TMEM217B: variants seen among roughly 807,000 people sequenced by gnomAD.
The protein encoded by TMEM217B is transmembrane protein 217B, also known as putative transmembrane protein 217B.
chr6:37,247,860 C>T, the TMEM217B span, among the ~76,000 whole-genome samples: 1 of 152,296 alleles, frequency 6.6e-6, no homozygotes, highest in African/African-American at 2.4e-5. Flanking sequence ...AACTCTTAGA[C>T]ATTTCCAATA....
the TMEM217B span, among the ~76,000 whole-genome samples, chr6:37,243,487 C>T: frequency 5.3e-5 from 8 of 152,188 alleles, no homozygotes; most frequent in African/African-American, 1.7e-4. Flanking sequence ...TCACTGAGAC[C>T]ATGACACTGC....
At chr6:37,227,170 G>T in the TMEM217B span, among the ~76,000 whole-genome samples, 9 of 152,134 alleles carry the variant, frequency 5.9e-5, no homozygotes, top group African/African-American at 2.2e-4. Context: ...AATCCACTGA[G>T]CCCAGAGACT....
chr6:37,226,055 T>A, the TMEM217B span, among the ~76,000 whole-genome samples: 1 of 152,120 alleles, frequency 6.6e-6, no homozygotes, highest in Non-Finnish European at 1.5e-5. Flanking sequence ...TACCTAAACT[T>A]CTTTATTGAC....
chr6:37,248,243 G>T, the TMEM217B span, among the ~76,000 whole-genome samples: 3 of 152,052 alleles, frequency 2.0e-5, no homozygotes, highest in Non-Finnish European at 4.4e-5. Flanking sequence ...TTATACACTT[G>T]TTGAGGACAG....
chr6:37,220,760 A>C, the TMEM217B span, among the ~76,000 whole-genome samples: 1 of 152,192 alleles, frequency 6.6e-6, no homozygotes, highest in Non-Finnish European at 1.5e-5. Flanking sequence ...ACAAGTACAT[A>C]GTGAAAAATA....
chr6:37,241,762 T>G, the TMEM217B span, among the ~76,000 whole-genome samples: 2 of 152,190 alleles, frequency 1.3e-5, no homozygotes, highest in African/African-American at 2.4e-5. Context: ...AAGCTTGAAT[T>G]CTTAGAGACA....
the TMEM217B span, chr6:37,215,411 C>A: frequency 8.6e-7 from 1 of 1,161,414 alleles, no homozygotes; most frequent in Non-Finnish European, 1.1e-6. Flanking sequence ...CCCATCTCTA[C>A]TAAAGATACA....
the TMEM217B span, among the ~76,000 whole-genome samples, chr6:37,229,335 G>GCTTTT: frequency 9.4e-5 from 7 of 74,370 alleles, no homozygotes; most frequent in African/African-American, 3.2e-4. Context: ...GCAACTTTCA[G>GCTTTT]TTTTTTTTTT....
At chr6:37,229,133 T>C in the TMEM217B span, among the ~76,000 whole-genome samples, 1 of 152,260 alleles carries the variant, frequency 6.6e-6, no homozygotes, top group East Asian at 1.9e-4. Flanking sequence ...ATTTATTTCC[T>C]CGTTGATAGT....
chr6:37,237,143 G>A, the TMEM217B span, among the ~76,000 whole-genome samples: 5 of 152,198 alleles, frequency 3.3e-5, no homozygotes, highest in South Asian at 2.1e-4. Flanking sequence ...TATTCAAGGG[G>A]AGAGGAATTA....
the TMEM217B span, among the ~76,000 whole-genome samples, chr6:37,227,055 C>T: frequency 1.3e-5 from 2 of 152,188 alleles, no homozygotes; most frequent in Non-Finnish European, 2.9e-5. Flanking sequence ...TATATCTGCA[C>T]AGCAGCAAAA....
chr6:37,230,933 G>A, the TMEM217B span, among the ~76,000 whole-genome samples: 2 of 152,018 alleles, frequency 1.3e-5, no homozygotes, highest in African/African-American at 4.8e-5. Flanking sequence ...ACAACACAAA[G>A]GTTTTTTGTT....
At chr6:37,250,289 G>A in the TMEM217B span, among the ~76,000 whole-genome samples, 1 of 152,232 alleles carries the variant, frequency 6.6e-6, no homozygotes, top group East Asian at 1.9e-4. Flanking sequence ...CATAGGAAGG[G>A]ACCCCTAAGA....
At chr6:37,220,030 C>T in the TMEM217B span, among the ~76,000 whole-genome samples, 55,105 of 151,848 alleles carry the variant, frequency 0.36, 10,218 homozygotes, top group African/African-American at 0.4. Context: ...GAAAATGTAA[C>T]AATGAGCTAA....
the TMEM217B span, among the ~76,000 whole-genome samples, chr6:37,239,776 A>G: frequency 1.3e-5 from 2 of 152,014 alleles, no homozygotes; most frequent in Admixed American, 1.3e-4. Context: ...ACACATTATA[A>G]AGCTTTAGAG....
the TMEM217B span, among the ~76,000 whole-genome samples, chr6:37,253,542 A>G: frequency 1.3e-5 from 2 of 152,116 alleles, no homozygotes; most frequent in African/African-American, 2.4e-5. Context: ...GGTTGTTTAG[A>G]TACTATAAAG....
the TMEM217B span, among the ~76,000 whole-genome samples, chr6:37,257,344 A>T: frequency 6.6e-6 from 1 of 152,242 alleles, no homozygotes; most frequent in South Asian, 2.1e-4. Context: ...ACGAATGGAC[A>T]TGTAAACGGA....
chr6:37,220,940 G>GAT, the TMEM217B span, among the ~76,000 whole-genome samples: 2 of 151,678 alleles, frequency 1.3e-5, no homozygotes, highest in African/African-American at 4.8e-5. Flanking sequence ...ATAATACACA[G>GAT]ATATATATAA....
the TMEM217B span, among the ~76,000 whole-genome samples, chr6:37,248,806 A>C: frequency 6.6e-6 from 1 of 152,198 alleles, no homozygotes; most frequent in Non-Finnish European, 1.5e-5. Flanking sequence ...TGAGCTTCCT[A>C]GGACTTCTCT....
Sources: gnomAD v4.1 joint callset for allele counts (sites outside exome capture counted in the v4.1 genomes callset) on GRCh38, gnomAD v4.1.1 for gene constraint, MANE v1.5 for transcripts, NCBI Gene and HGNC (gene_info 2026-07-23, HGNC 2026-07-21) for gene names.